ZFPM1: variants seen among roughly 807,000 people sequenced by gnomAD.
The protein encoded by ZFPM1 is zinc finger protein ZFPM1.
In ZFPM1, 28 loss-of-function variants were observed where a neutral mutation model predicts 46.3. The ratio of observed to expected loss-of-function variants is 0.60; its 90% CI spans 0.45 to 0.83. The LOEUF is 0.83. Ranked by LOEUF, ZFPM1 falls within the 40% of genes least tolerant of loss-of-function variation. The pLI is 0.00. For synonymous variants in ZFPM1, 957 were observed against 675.9 expected, an observed-to-expected ratio of 1.42 and a Z score of -6.45; for missense variants, 1,878 against 1,432.4, an observed-to-expected ratio of 1.31 and a Z score of -5.02.
Position 88,532,053 on chromosome 16 carries a change from A to G in ZFPM1, c.764A>G (p.Asn255Ser). 6.2e-7 allele frequency: 1 copy of G among 1,612,140 alleles called. No individual in the cohort carries two copies. Among genetic ancestry groups the G allele is most frequent in the Non-Finnish European group, 8.5e-7 (1 of 1,179,512 alleles). The stretch of plus-strand genomic sequence containing the variant: ...GGCATCTGGTACCGCAGCGAGCGCA[A>G]CCTGCAGGCGCACCTGCTCTACTAC... ...DCGIWYRSER[N>S]LQAHLLYYCA... The change falls in exon 7 of 10, where the codon AAC becomes AGC. Residue 255 changes from asparagine (N) to serine (S), a missense_variant. Coordinates refer to ENST00000319555, the MANE Select transcript of ZFPM1 (RefSeq NM_153813.3).
chr16:88,496,184 C>A (rs1050440497), intron 3 of ZFPM1, among the ~76,000 whole-genome samples: 3 of 152,178 alleles, frequency 2.0e-5, no homozygotes, highest in African/African-American at 7.2e-5. Flanking sequence ...CAGCACACAT[C>A]CCCTGCCTGG....
chr16:88,526,460 C>CACA (rs374068564), intron 4 of ZFPM1, among the ~76,000 whole-genome samples: 103 of 152,226 alleles, frequency 6.8e-4, no homozygotes, highest in South Asian at 4.2e-3. Flanking sequence ...AACACAGATA[C>CACA]GCAGACCCGG....
intron 3 of ZFPM1, among the ~76,000 whole-genome samples, chr16:88,505,689 C>T (rs1184058999): frequency 6.6e-6 from 1 of 152,186 alleles, no homozygotes; most frequent in Non-Finnish European, 1.5e-5. Context: ...CGTCAGCTCC[C>T]GGGAACGCAG....
At chr16:88,488,395 C>T (rs567059463) in intron 2 of ZFPM1, among the ~76,000 whole-genome samples, 1 of 152,376 alleles carries the variant, frequency 6.6e-6, no homozygotes, top group Non-Finnish European at 1.5e-5. Flanking sequence ...CACAGCAGCG[C>T]AGGAGCTGTC....
upstream of ZFPM1, among the ~76,000 whole-genome samples, chr16:88,452,290 G>A (rs1196601063): frequency 1.3e-5 from 2 of 152,226 alleles, no homozygotes. Context: ...GAGGGCAACA[G>A]TTCTCCATTT....
intron 3 of ZFPM1, among the ~76,000 whole-genome samples, chr16:88,492,949 G>T (rs1158751098): frequency 1.3e-5 from 2 of 152,106 alleles, no homozygotes; most frequent in Admixed American, 6.5e-5. Flanking sequence ...GCAGAGACCT[G>T]TCCCAGGGTG....
At chr16:88,521,853 T>A (rs1244143627) in intron 4 of ZFPM1, among the ~76,000 whole-genome samples, 1 of 147,860 alleles carries the variant, frequency 6.8e-6, no homozygotes, top group Non-Finnish European at 1.5e-5. Flanking sequence ...TCCCTCTCCA[T>A]GCTGTTCCCT....
chr16:88,459,640 G>A (rs1319518303), intron 1 of ZFPM1, among the ~76,000 whole-genome samples: 1 of 97,230 alleles, frequency 1.0e-5, no homozygotes, highest in Non-Finnish European at 2.0e-5. Context: ...GCAGCCTAAC[G>A]CCCACCCATG....
intron 3 of ZFPM1, among the ~76,000 whole-genome samples, chr16:88,493,914 A>G (rs1001266512): frequency 1.3e-5 from 2 of 152,158 alleles, no homozygotes; most frequent in South Asian, 4.1e-4. Context: ...AAAGGAGGGC[A>G]CCTTGAGCTG....
chr16:88,527,750 C>T (rs962061486), intron 5 of ZFPM1, among the ~76,000 whole-genome samples: 1 of 151,818 alleles, frequency 6.6e-6, no homozygotes, highest in Non-Finnish European at 1.5e-5. Flanking sequence ...CCCCTAGTTA[C>T]TCCACCACCC....
At chr16:88,478,251 C>T (rs1034349805) in intron 1 of ZFPM1, among the ~76,000 whole-genome samples, 4 of 152,240 alleles carry the variant, frequency 2.6e-5, no homozygotes, top group African/African-American at 9.6e-5. Context: ...CGTGCTCCTG[C>T]GCTGGTTAGG....
chr16:88,478,599 G>C (rs373522354), intron 1 of ZFPM1, among the ~76,000 whole-genome samples: 2 of 152,370 alleles, frequency 1.3e-5, no homozygotes, highest in East Asian at 3.9e-4. Context: ...CCCCCTCCCA[G>C]TCCAGCCGGT....
chr16:88,481,428 C>T (rs1173336228), intron 1 of ZFPM1, among the ~76,000 whole-genome samples: 1 of 151,766 alleles, frequency 6.6e-6, no homozygotes, highest in Admixed American at 6.6e-5. Flanking sequence ...CCCACCCCCA[C>T]CACCGCTGCC....
In ZFPM1 at chr16:88,497,398, G is replaced by A. The variant is rs1435210113; in HGVS notation, c.268+8245G>A. 4.0e-5 allele frequency among the ~76,000 whole-genome samples: 6 copies of A among 151,202 alleles called. No individual in the cohort carries two copies. The highest frequency in any genetic ancestry group is 4.2e-4 in the South Asian group (2 of 4,788). ...GGCTGGAACATCAGGGCCCGGGCGG[G>A]GATGGGGTTCAGAGGGGTCAGGGTG... On this transcript the variant is annotated intron_variant, in intron 3 of 9. Transcript: ENST00000319555. The surrounding 1 kb of genome is among the most constrained non-coding windows in gnomAD (Gnocchi z 5.4).
At chr16:88,482,904 C>G (rs1359371382) in intron 1 of ZFPM1, among the ~76,000 whole-genome samples, 1 of 152,236 alleles carries the variant, frequency 6.6e-6, no homozygotes, top group East Asian at 1.9e-4. Context: ...CTGGATGGCA[C>G]TGCCTGCTCA....
chr16:88,458,434 C>T (rs1907654288), intron 1 of ZFPM1, among the ~76,000 whole-genome samples: 1 of 152,360 alleles, frequency 6.6e-6, no homozygotes, highest in African/African-American at 2.4e-5. Context: ...CACCAGGAAC[C>T]CAGTGTGGCA....
At chr16:88,454,081 C>T (rs966365763) in intron 1 of ZFPM1, among the ~76,000 whole-genome samples, 1 of 152,220 alleles carries the variant, frequency 6.6e-6, no homozygotes, top group African/African-American at 2.4e-5. Context: ...ATCGTTCTGT[C>T]GGGACGGGCT....
intron 6 of ZFPM1, 110 bp from the exon 7 acceptor site, chr16:88,531,892 G>T (rs1289737292): frequency 1.9e-6 from 2 of 1,061,114 alleles, no homozygotes; most frequent in African/African-American, 3.2e-5. Flanking sequence ...AGCTCCTGGG[G>T]TGGGGAGGAC....
Position 88,515,591 on chromosome 16 carries a change from C to T in ZFPM1, c.402+1071C>T, listed in dbSNP as rs1456248856. Among the ~76,000 whole-genome samples, 3 of 152,246 alleles carry T rather than the reference C, an allele frequency of 2.0e-5. 1 individual carries two copies. Among genetic ancestry groups the T allele is most frequent in the East Asian group, 3.8e-4 (2 of 5,204 alleles). ...TCTGCCAGGGCAGCTGGGCGGGTCACGTGAGATGGTCAGGAGTGGTGCTTG... is the reference window on the plus strand; with the variant it reads ...TCTGCCAGGGCAGCTGGGCGGGTCATGTGAGATGGTCAGGAGTGGTGCTTG... On this transcript the variant is annotated intron_variant, in intron 4 of 9. Coordinates refer to ENST00000319555, the MANE Select transcript of ZFPM1 (RefSeq NM_153813.3).
Sources: allele counts gnomAD v4.1 joint callset (sites outside exome capture counted in the v4.1 genomes callset), GRCh38; gene constraint gnomAD v4.1.1; non-coding constraint Gnocchi (gnomAD v3.1); transcripts MANE v1.5; gene names NCBI Gene and HGNC (gene_info 2026-07-23, HGNC 2026-07-21).